The following EBF1 variants were observed in gnomAD, a reference collection of about 807,000 sequenced individuals.
The protein encoded by EBF1 is transcription factor COE1.
A neutral mutation model predicts 68.4 loss-of-function variants in EBF1; 10 were observed. That is an observed-to-expected ratio of 0.15 (90% CI 0.09 to 0.25). EBF1 has a LOEUF of 0.25. Ranked by LOEUF, EBF1 falls within the 10% of genes least tolerant of loss-of-function variation. EBF1 has a pLI of 1.00. For synonymous variants in EBF1, 298 were observed against 299.8 expected, an observed-to-expected ratio of 0.99 and a Z score of 0.06; for missense variants, 509 against 794.4, an observed-to-expected ratio of 0.64 and a Z score of 4.32.
At chr5:158,760,366 A>G (rs1043491370) in intron 10 of EBF1, among the ~76,000 whole-genome samples, 1 of 152,186 alleles carries the variant, frequency 6.6e-6, no homozygotes, top group Admixed American at 6.6e-5. Context: ...CAAGACAGGA[A>G]TTCCTTCCAA....
At chr5:158,714,662 T>G (rs1760238383) in intron 11 of EBF1, among the ~76,000 whole-genome samples, 1 of 152,208 alleles carries the variant, frequency 6.6e-6, no homozygotes, top group Admixed American at 6.5e-5. Flanking sequence ...TGTTTATCTC[T>G]CTTGGATGGT....
chr5:158,945,880 C>T (rs544321227), intron 6 of EBF1, among the ~76,000 whole-genome samples: 1 of 152,082 alleles, frequency 6.6e-6, no homozygotes, highest in Non-Finnish European at 1.5e-5. Flanking sequence ...TTGTTCATTC[C>T]TTTTCATTCT....
chr5:158,809,375 C>T (rs911486893), intron 8 of EBF1, among the ~76,000 whole-genome samples: 5 of 152,078 alleles, frequency 3.3e-5, no homozygotes, highest in African/African-American at 7.2e-5. Context: ...ACCCAAACTA[C>T]GCTTCAACTT....
chr5:158,757,609 C>T (rs1487019523), intron 10 of EBF1, among the ~76,000 whole-genome samples: 2 of 152,150 alleles, frequency 1.3e-5, no homozygotes, highest in African/African-American at 4.8e-5. Context: ...GTTATACGCA[C>T]AAGAGCCTGG....
At chr5:158,884,409 T>C (rs970365002) in intron 6 of EBF1, among the ~76,000 whole-genome samples, 1 of 152,192 alleles carries the variant, frequency 6.6e-6, no homozygotes, top group Non-Finnish European at 1.5e-5. Flanking sequence ...ATTCTTTTAA[T>C]CTCACTTTTC....
chr5:159,045,807 T>C (rs1452920349), intron 6 of EBF1, among the ~76,000 whole-genome samples: 3 of 152,186 alleles, frequency 2.0e-5, no homozygotes, highest in African/African-American at 7.2e-5. Context: ...TTATCAAGAT[T>C]AGTCAAGATA....
intron 6 of EBF1, among the ~76,000 whole-genome samples, chr5:158,887,174 G>A (rs2128101785): frequency 6.6e-6 from 1 of 152,264 alleles, no homozygotes; most frequent in Non-Finnish European, 1.5e-5. Flanking sequence ...AATGGCTTCT[G>A]TTCTGTTGTC....
intron 10 of EBF1, among the ~76,000 whole-genome samples, chr5:158,757,879 T>C (rs1770486519): frequency 6.6e-6 from 1 of 152,140 alleles, no homozygotes; most frequent in Admixed American, 6.6e-5. Context: ...ATCGGGGGCT[T>C]TGTTCATTCA....
intron 6 of EBF1, among the ~76,000 whole-genome samples, chr5:158,906,830 CA>C (rs1365980792): frequency 1.3e-5 from 2 of 152,162 alleles, no homozygotes; most frequent in Non-Finnish European, 2.9e-5. Context: ...GTGAAAAATT[CA>C]AAGAAATGGA....
chr5:159,042,875 A>T (rs892745537), intron 6 of EBF1, among the ~76,000 whole-genome samples: 9 of 150,600 alleles, frequency 6.0e-5, no homozygotes, highest in African/African-American at 2.2e-4. Flanking sequence ...AAAAAAAAAT[A>T]AAAAAGTTAA....
At chr5:158,731,269 T>A (rs1764035884) in intron 10 of EBF1, 112 bp from the exon 11 acceptor site, 4 of 959,078 alleles carry the variant, frequency 4.2e-6, no homozygotes, top group Non-Finnish European at 6.3e-6. Flanking sequence ...AACTGATACT[T>A]TTGAATTGGA....
chr5:158,950,927 T>C (rs1815832388), intron 6 of EBF1, among the ~76,000 whole-genome samples: 1 of 152,232 alleles, frequency 6.6e-6, no homozygotes, highest in Admixed American at 6.5e-5. Flanking sequence ...GTGGGATGGC[T>C]GGCAGCCCAT....
intron 6 of EBF1, among the ~76,000 whole-genome samples, chr5:158,891,293 G>A (rs1004400296): frequency 1.3e-5 from 2 of 152,144 alleles, no homozygotes; most frequent in African/African-American, 4.8e-5. Context: ...TAAGTGCAGT[G>A]GTCTCTGAGC....
intron 8 of EBF1, among the ~76,000 whole-genome samples, chr5:158,806,081 A>G (rs186745581): frequency 1.3e-5 from 2 of 152,210 alleles, no homozygotes; most frequent in East Asian, 3.9e-4. Flanking sequence ...GAAGCAGTGA[A>G]GTCATTTATT....
At chr5:158,713,966 T>C in intron 12 of EBF1, 151 bp downstream of exon 12, 1 of 712,452 alleles carries the variant, frequency 1.4e-6, no homozygotes, top group Admixed American at 2.6e-5. Flanking sequence ...GAGGATTGAA[T>C]CATCTTGCAA....
chr5:158,848,777 C>T (rs745939844), intron 6 of EBF1, among the ~76,000 whole-genome samples: 10 of 152,180 alleles, frequency 6.6e-5, no homozygotes, highest in South Asian at 2.1e-4. Flanking sequence ...TAGAATCTCA[C>T]GTTAGAATTT....
rs1263514297 is a variant in EBF1, at chr5:159,099,716, T to G, written c.-238A>C. 1 of 305,842 alleles carries G rather than the reference T, an allele frequency of 3.3e-6. No homozygotes were observed. Among genetic ancestry groups the G allele is most frequent in the Non-Finnish European group, 5.6e-6 (1 of 179,726 alleles). 18.9% of individuals were successfully genotyped at this position (305,842 alleles called of 1,614,324 possible). ...CCCGAAAAAAAGAAGAAAGGGAAAA[T>G]CCAACGAAAAGACCAAAATAATAAA... On this transcript the variant is annotated 5_prime_UTR_variant, in exon 1 of 16. Coordinates refer to ENST00000313708, the MANE Select transcript of EBF1 (RefSeq NM_024007.5).
intron 8 of EBF1, among the ~76,000 whole-genome samples, chr5:158,814,133 C>T (rs1384481379): frequency 6.6e-6 from 1 of 152,144 alleles, no homozygotes; most frequent in Non-Finnish European, 1.5e-5. Context: ...ATTGCTTAAG[C>T]CCGGGCATTG....
chr5:158,937,858 C>G (rs1181698081), intron 6 of EBF1, among the ~76,000 whole-genome samples: 2 of 152,202 alleles, frequency 1.3e-5, no homozygotes, highest in African/African-American at 4.8e-5. Context: ...TGGCGAGAGC[C>G]TGAAGCATTG....
Sources: allele counts gnomAD v4.1 joint callset (sites outside exome capture counted in the v4.1 genomes callset), GRCh38; gene constraint gnomAD v4.1.1; transcripts MANE v1.5; gene names NCBI Gene and HGNC (gene_info 2026-07-23, HGNC 2026-07-21).